DARS2: variants seen among roughly 807,000 people sequenced by gnomAD.
The protein encoded by DARS2 is aspartate--tRNA ligase, mitochondrial.
In DARS2, 63 loss-of-function variants were observed where a neutral mutation model predicts 83.0. The observed-to-expected ratio is 0.76, with a 90% CI of 0.62 to 0.94. DARS2 has a LOEUF of 0.94. DARS2 is among the 40% of genes least tolerant of loss of function. The pLI, the probability that DARS2 is intolerant of heterozygous loss-of-function variation, is 0.00. For missense variants in DARS2, 675 were observed against 774.4 expected (o/e 0.87, Z 1.52); for synonymous variants, 250 against 269.3 (o/e 0.93, Z 0.70).
rs1417504303 is a variant in DARS2 at position 173,840,944 on chromosome 1, G to A, written c.1099G>A (p.Val367Met). The A allele has an allele frequency of 2.5e-6, 4 of 1,610,886 alleles. No homozygotes were observed. The highest frequency in any genetic ancestry group is 3.4e-6 in the Non-Finnish European group (4 of 1,177,160). The change falls in exon 11 of 17, where the codon GTG (valine) becomes ATG (methionine). Residue 367 changes from valine (V) to methionine (M), a missense_variant. Physicochemically the swap from Val to Met is conservative, Grantham distance 21 (BLOSUM62 1). Coordinates refer to ENST00000649689, the MANE Select transcript of DARS2 (RefSeq NM_018122.5). Reference sequence around the variant, plus strand: ...TGCACTTAGTAAGCCCCATGGAACTGTGAAAGCCATATGTATCCCTGAAGG... The same window carrying A: ...TGCACTTAGTAAGCCCCATGGAACTATGAAAGCCATATGTATCCCTGAAGG... ...QDALSKPHGTVKAICIPEGAK... is the reference protein window; with the variant it reads ...QDALSKPHGTMKAICIPEGAK...
At chr1:173,837,303 C>A (rs1364831342) in intron 8 of DARS2, among the ~76,000 whole-genome samples, 1 of 151,254 alleles carries the variant, frequency 6.6e-6, no homozygotes, top group Non-Finnish European at 1.5e-5. Context: ...AGGTTCTACT[C>A]TCAAGGTGTT....
At chr1:173,838,120 A>C in intron 8 of DARS2, 70 bp from the exon 9 acceptor site, 2 of 1,305,816 alleles carry the variant, frequency 1.5e-6, no homozygotes, top group Non-Finnish European at 2.2e-6. Flanking sequence ...GCATTGCTTT[A>C]AACTTTTGGG....
Position 173,828,318 on chromosome 1 carries a change from C to G in DARS2, c.228-15C>G, listed in dbSNP as rs200392167. 7.6e-6 allele frequency: 10 copies of G among 1,316,240 alleles called. No individual in the cohort carries two copies. The highest frequency in any genetic ancestry group is 4.7e-5 in the South Asian group (4 of 84,722). The allele number at this position is 1,316,240 out of a possible 1,614,324, so 81.5% of individuals were successfully genotyped here. A position where few individuals can be genotyped will look rare whatever the true frequency, so the allele number is the denominator to read the frequency against. Reference sequence around the variant, plus strand: ...TTATCTTAAAATGTTTCTTTTCCCCCCCCCCATTAATCAGGCAAAACACAT... The same window carrying G: ...TTATCTTAAAATGTTTCTTTTCCCCGCCCCCATTAATCAGGCAAAACACAT... On this transcript the variant is annotated splice_polypyrimidine_tract_variant and intron_variant, in intron 2 of 16. Coordinates refer to ENST00000649689, the MANE Select transcript of DARS2 (RefSeq NM_018122.5).
chr1:173,847,644 A>G (rs1017515951), intron 12 of DARS2, among the ~76,000 whole-genome samples: 1 of 152,162 alleles, frequency 6.6e-6, no homozygotes, highest in Non-Finnish European at 1.5e-5. Flanking sequence ...GAAATGCAAT[A>G]ATCATTTGCT....
chr1:173,839,904 A>T (rs1438237835), intron 10 of DARS2, among the ~76,000 whole-genome samples: 1 of 152,214 alleles, frequency 6.6e-6, no homozygotes, highest in Non-Finnish European at 1.5e-5. Context: ...TTGGTCCATA[A>T]AAAGCTCAAA....
In DARS2 at chr1:173,848,823, G is replaced by A. The variant is rs533177660; in HGVS notation, c.1192-1504G>A. ...AATACGAAGGTTTATGTCTTTTTAT[G>A]TGTAGAAAATTATTTTATTATCTAA... On this transcript the variant is annotated intron_variant, in intron 12 of 16. Coordinates refer to ENST00000649689, the MANE Select transcript of DARS2 (RefSeq NM_018122.5). Among the ~76,000 whole-genome samples, 12 of 152,234 alleles carry A rather than the reference G, an allele frequency of 7.9e-5. No homozygotes were observed. In the East Asian group the frequency reaches 1.7e-3, roughly 22 times the overall value.
intron 13 of DARS2, chr1:173,852,280 A>G (rs1653701349): frequency 2.0e-6 from 2 of 983,480 alleles, no homozygotes; most frequent in African/African-American, 3.5e-5. Context: ...CTTATTAAGC[A>G]CTTAGTATTT....
intron 13 of DARS2, chr1:173,852,345 A>G (rs1653704763): frequency 4.5e-6 from 3 of 673,020 alleles, no homozygotes; most frequent in Non-Finnish European, 5.5e-6. Flanking sequence ...CCTCATGCCA[A>G]CCCTATGAAA....
intron 11 of DARS2, among the ~76,000 whole-genome samples, chr1:173,842,181 T>G (rs1316338468): frequency 6.6e-6 from 1 of 151,714 alleles, no homozygotes; most frequent in East Asian, 1.9e-4. Flanking sequence ...ATTCCAGTTA[T>G]ATTTTAAATA....
intron 3 of DARS2, among the ~76,000 whole-genome samples, chr1:173,829,347 T>G (rs987572631): frequency 2.6e-5 from 4 of 152,102 alleles, no homozygotes; most frequent in Non-Finnish European, 4.4e-5. Context: ...GGAGGGAAGC[T>G]TTTTACTATA....
At chr1:173,846,397 G>A (rs1037868808) in intron 12 of DARS2, among the ~76,000 whole-genome samples, 5 of 151,988 alleles carry the variant, frequency 3.3e-5, no homozygotes, top group Non-Finnish European at 5.9e-5. Context: ...GGGAGACTGA[G>A]GCAGGAGAAT....
chr1:173,841,492 C>A (rs1391083650), intron 11 of DARS2, among the ~76,000 whole-genome samples: 1 of 151,660 alleles, frequency 6.6e-6, no homozygotes, highest in African/African-American at 2.4e-5. Flanking sequence ...GGGTGTTTTT[C>A]TTTTTTCTTT....
intron 6 of DARS2, 33 bp downstream of exon 6, chr1:173,833,532 T>C: frequency 6.2e-7 from 1 of 1,613,638 alleles, no homozygotes; most frequent in South Asian, 1.1e-5. Context: ...CTTTGGAGCT[T>C]TGTAGCATCT....
In DARS2 at chr1:173,826,723, G is replaced by A. The variant is rs1652593252; in HGVS notation, c.164G>A (p.Gly55Glu). The A allele has an allele frequency of 1.2e-6, 2 of 1,612,546 alleles. No homozygotes were observed. Among genetic ancestry groups the A allele is most frequent in the Non-Finnish European group, 1.7e-6 (2 of 1,179,676 alleles). ...TTTGTTGTCCGGACCAACACATGTG[G>A]AGAGTTGCGTTCGTCTCACTTAGGC... ...SSFVVRTNTC[G>E]ELRSSHLGQE... The change falls in exon 2 of 17, where the codon GGA becomes GAA. Residue 55 changes from glycine (G) to glutamate (E), a missense_variant. By Grantham distance (98) the Gly-to-Glu change is moderately conservative. Coordinates refer to ENST00000649689, the MANE Select transcript of DARS2 (RefSeq NM_018122.5).
At chr1:173,853,045 G>T (rs1169320851) in intron 13 of DARS2, among the ~76,000 whole-genome samples, 1 of 152,126 alleles carries the variant, frequency 6.6e-6, no homozygotes, top group Non-Finnish European at 1.5e-5. Context: ...ATGAAAAAGG[G>T]TACAGAGAAG....
intron 3 of DARS2, among the ~76,000 whole-genome samples, chr1:173,829,721 A>G (rs1438831781): frequency 6.6e-6 from 1 of 152,080 alleles, no homozygotes. Context: ...CAGCCTGACC[A>G]ACATGGTGAA....
chr1:173,838,296 G>GCTTA (rs1490304870), intron 9 of DARS2, 37 bp downstream of exon 9: 1 of 1,523,260 alleles, frequency 6.6e-7, no homozygotes, highest in East Asian at 2.2e-5. Context: ...TAAAATTCAG[G>GCTTA]CTTACTATTT....
chr1:173,834,329 C>T (rs1016247763), intron 6 of DARS2, 144 bp from the exon 7 acceptor site: 1 of 648,270 alleles, frequency 1.5e-6, no homozygotes, highest in African/African-American at 1.8e-5. Flanking sequence ...TTGTAGAAAC[C>T]AGCACCAGTA....
At chr1:173,834,856 G>T (rs1652945553) in intron 7 of DARS2, among the ~76,000 whole-genome samples, 1 of 119,556 alleles carries the variant, frequency 8.4e-6, no homozygotes, top group Non-Finnish European at 1.6e-5. Context: ...TCAGCTAATT[G>T]CAACCTCTGC....
Sources: gnomAD v4.1 joint callset for allele counts (sites outside exome capture counted in the v4.1 genomes callset) on GRCh38, gnomAD v4.1.1 for gene constraint, MANE v1.5 for transcripts, NCBI Gene and HGNC (gene_info 2026-07-23, HGNC 2026-07-21) for gene names.